Variants in MLXIP observed in about 807,000 individuals in gnomAD.
MLXIP encodes the protein MLX interacting protein, also known as MLX-interacting protein.
A neutral mutation model predicts 87.2 loss-of-function variants in MLXIP; 30 were observed. That is an observed-to-expected ratio of 0.34 (90% CI 0.26 to 0.47). The LOEUF is 0.47. Among genes scored for constraint, MLXIP ranks in the 20% least tolerant of loss-of-function variants. The pLI is 1.00. For missense variants in MLXIP, 1,002 were observed against 1,240.1 expected (o/e 0.81, Z 2.88); for synonymous variants, 530 against 514.0 (o/e 1.03, Z -0.42).
At chr12:122,115,011 T>C (rs982959685) in intron 1 of MLXIP, among the ~76,000 whole-genome samples, 10 of 151,844 alleles carry the variant, frequency 6.6e-5, no homozygotes, top group Non-Finnish European at 1.2e-4. Context: ...CCTCCCAAAG[T>C]GCTGGGATTA....
At position 122,078,966 on chromosome 12, in the gene MLXIP, C is replaced by A. The variant is rs927447486; in HGVS notation, c.113C>A (p.Pro38Gln). ...EDDDDSDTDEPSPPPASGAAT... is the reference protein window; with the variant it reads ...EDDDDSDTDEQSPPPASGAAT... ...GACGACGACTCGGACACGGATGAGC[C>A]GTCCCCGCCGCCCGCCTCCGGCGCG... Residue 38 changes from proline (P) to glutamine (Q), a missense_variant, in exon 1 of 17, where the codon CCG becomes CAG. Pro to Gln is a moderately conservative substitution (Grantham distance 76, BLOSUM62 -1). Coordinates refer to ENST00000319080, the MANE Select transcript of MLXIP (RefSeq NM_014938.6). 9.2e-7 allele frequency: 1 copy of A among 1,092,532 alleles called. No individual in the cohort carries two copies. Among genetic ancestry groups the A allele is most frequent in the Non-Finnish European group, 1.1e-6 (1 of 894,652 alleles). The allele number at this position is 1,092,532 out of a possible 1,614,324, so 67.7% of individuals were successfully genotyped here. A position where few individuals can be genotyped will look rare whatever the true frequency, so the allele number is the denominator to read the frequency against.
rs1205224732 is a variant in MLXIP, at chr12:122,147,235, T to A, written c.*5423T>A. ...GTCACCCTGAGTACACCCCTCTGATTGCTCTGCTGTCAAGAAGCACGTTTC... is the reference window on the plus strand; with the variant it reads ...GTCACCCTGAGTACACCCCTCTGATAGCTCTGCTGTCAAGAAGCACGTTTC... On this transcript the variant is annotated 3_prime_UTR_variant, in exon 17 of 17. Coordinates refer to ENST00000319080, the MANE Select transcript of MLXIP (RefSeq NM_014938.6). The A allele has an allele frequency of 6.6e-6, 1 of 152,204 alleles. No individual in the cohort carries two copies. The allele number at this position is 152,204 out of a possible 1,614,324, so 9.4% of individuals were successfully genotyped here.
At chr12:122,079,753 A>G (rs767367104) in intron 1 of MLXIP, among the ~76,000 whole-genome samples, 1 of 152,206 alleles carries the variant, frequency 6.6e-6, no homozygotes, top group Non-Finnish European at 1.5e-5. Flanking sequence ...GTCTGCCTCC[A>G]AGGGGCTGTT....
At chr12:122,087,287 C>T (rs36160000) in intron 1 of MLXIP, among the ~76,000 whole-genome samples, 1,825 of 152,280 alleles carry the variant, frequency 0.012, 35 homozygotes, top group East Asian at 0.039. Flanking sequence ...TTAGTCCTCT[C>T]CCCTCATGGG....
intron 1 of MLXIP, among the ~76,000 whole-genome samples, chr12:122,121,620 G>A (rs1333861488): frequency 2.0e-5 from 3 of 151,960 alleles, no homozygotes; most frequent in Admixed American, 6.6e-5. Context: ...TCAGGAGTTC[G>A]TCCCAGCCAG....
At chr12:122,118,123 G>T (rs1952720034) in intron 1 of MLXIP, among the ~76,000 whole-genome samples, 1 of 152,182 alleles carries the variant, frequency 6.6e-6, no homozygotes, top group Admixed American at 6.5e-5. Flanking sequence ...CACTGAGATG[G>T]CTGCTAAGTG....
chr12:122,131,429 ATT>A (rs1431207330), intron 7 of MLXIP, among the ~76,000 whole-genome samples: 1 of 113,040 alleles, frequency 8.8e-6, no homozygotes, highest in Non-Finnish European at 1.8e-5. Context: ...TTAGTCCTTG[ATT>A]TGTTTGAGTC....
chr12:122,140,800 C>T, intron 15 of MLXIP, 154 bp from the exon 16 acceptor site: 4 of 1,180,926 alleles, frequency 3.4e-6, no homozygotes, highest in Non-Finnish European at 3.7e-6. Context: ...CACACCTTGC[C>T]TAGAGATCTC....
chr12:122,127,218 G>A (rs1253240250), intron 1 of MLXIP, 38 bp from the exon 2 acceptor site: 3 of 1,513,370 alleles, frequency 2.0e-6, no homozygotes, highest in Non-Finnish European at 1.8e-6. Context: ...CAATTTCAGA[G>A]TAACCACTGA....
chr12:122,140,885 C>T, intron 15 of MLXIP, 69 bp from the exon 16 acceptor site: 1 of 1,613,062 alleles, frequency 6.2e-7, no homozygotes, highest in African/African-American at 1.3e-5. Context: ...TACGCCAGTC[C>T]AACCACCTTC....
chr12:122,090,869 G>A (rs1183300329), intron 1 of MLXIP, among the ~76,000 whole-genome samples: 1 of 152,208 alleles, frequency 6.6e-6, no homozygotes, highest in Non-Finnish European at 1.5e-5. Context: ...AGACACAAAA[G>A]ACCACGTATG....
At chr12:122,124,892 C>T (rs1460854866) in intron 1 of MLXIP, among the ~76,000 whole-genome samples, 1 of 152,044 alleles carries the variant, frequency 6.6e-6, no homozygotes, top group African/African-American at 2.4e-5. Flanking sequence ...TTAGGCCGGG[C>T]TTGGTGGCTC....
intron 1 of MLXIP, among the ~76,000 whole-genome samples, chr12:122,103,047 A>G (rs1480386689): frequency 6.6e-6 from 1 of 152,192 alleles, no homozygotes; most frequent in Admixed American, 6.6e-5. Flanking sequence ...TCTGTCACCC[A>G]GGCTGAAGTG....
At chr12:122,081,297 T>G (rs1382226157) in intron 1 of MLXIP, among the ~76,000 whole-genome samples, 1 of 152,220 alleles carries the variant, frequency 6.6e-6, no homozygotes, top group Non-Finnish European at 1.5e-5. Context: ...GGATGGGATC[T>G]GTCCAGTCAT....
intron 1 of MLXIP, among the ~76,000 whole-genome samples, chr12:122,113,780 G>A (rs921029869): frequency 4.2e-5 from 6 of 141,516 alleles, no homozygotes; most frequent in Admixed American, 7.5e-5. Flanking sequence ...CGCCTCCCAG[G>A]TTCATGCCAT....
At position 122,121,307 on chromosome 12, in the gene MLXIP, C is replaced by CTTTTTT. The variant is rs35967072; in HGVS notation, c.414-5933_414-5928dup. ...CCAGGCGCGAGCCACTGTGCCCAGC[C>CTTTTTT]TTTTTTTTTTTTTTTTTTTTTAAAT... is the stretch of plus-strand genomic sequence containing the variant. On this transcript the variant is annotated intron_variant, in intron 1 of 16. Coordinates refer to ENST00000319080, the MANE Select transcript of MLXIP (RefSeq NM_014938.6). Among the ~76,000 whole-genome samples, 6 of 118,226 alleles carry CTTTTTT rather than the reference C, an allele frequency of 5.1e-5. 1 individual carries two copies. The highest frequency in any genetic ancestry group is 1.0e-4 in the Non-Finnish European group (6 of 58,456). The allele number at this position is 118,226 out of a possible 152,430, so 77.6% of individuals were successfully genotyped here.
At position 122,092,160 on chromosome 12, in the gene MLXIP, C is replaced by T. The variant is rs139992305; in HGVS notation, c.413+12894C>T. 2.1e-3 allele frequency among the ~76,000 whole-genome samples: 315 copies of T among 151,802 alleles called. 1 individual carries two copies. The highest frequency in any genetic ancestry group is 7.3e-3 in the African/African-American group (301 of 41,334). On this transcript the variant is annotated intron_variant, in intron 1 of 16. Transcript: ENST00000319080. ...TCACCCAGACTGGAGTGCAGTGGCGCGATCTCAGCTCATTGCAACCTCCAC... is the reference window on the plus strand; with the variant it reads ...TCACCCAGACTGGAGTGCAGTGGCGTGATCTCAGCTCATTGCAACCTCCAC...
chr12:122,118,526 T>G (rs1483406546), intron 1 of MLXIP, among the ~76,000 whole-genome samples: 1 of 152,138 alleles, frequency 6.6e-6, no homozygotes, highest in East Asian at 1.9e-4. Flanking sequence ...CTCCTACATG[T>G]CTGTGTGGAT....
In MLXIP at chr12:122,147,302, A is replaced by G. The variant is rs1953320802; in HGVS notation, c.*5490A>G. 6.6e-6 allele frequency: 1 copy of G among 152,090 alleles called. No individual in the cohort carries two copies. The highest frequency in any genetic ancestry group is 2.1e-4 in the South Asian group (1 of 4,820). 9.4% of individuals were successfully genotyped at this position (152,090 alleles called of 1,614,324 possible). A position where few individuals can be genotyped will look rare whatever the true frequency, so the allele number is the denominator to read the frequency against. ...CACTACAATGCATTTTTTAAACTATATTTGCATCCAAGACAATAAAGACAC... is the reference window on the plus strand; with the variant it reads ...CACTACAATGCATTTTTTAAACTATGTTTGCATCCAAGACAATAAAGACAC... On this transcript the variant is annotated 3_prime_UTR_variant, in exon 17 of 17. Transcript: ENST00000319080.
Sources: allele counts gnomAD v4.1 joint callset (sites outside exome capture counted in the v4.1 genomes callset), GRCh38; gene constraint gnomAD v4.1.1; transcripts MANE v1.5; gene names NCBI Gene and HGNC (gene_info 2026-07-23, HGNC 2026-07-21).